The following CPLX1 variants were observed in gnomAD, a reference collection of about 807,000 sequenced individuals.
CPLX1 encodes the protein complexin 1, also known as complexin-1.
Under a neutral mutation model 15.6 loss-of-function variants are expected in CPLX1, and 6 were observed. That is an observed-to-expected ratio of 0.39 (90% confidence interval 0.21 to 0.76). The LOEUF is 0.76. Among genes scored for constraint, CPLX1 ranks in the 30% least tolerant of loss-of-function variants. CPLX1 has a pLI of 0.43. For synonymous variants in CPLX1, 91 were observed against 75.2 expected (o/e 1.21, Z -1.08); for missense variants, 242 against 188.6 (o/e 1.28, Z -1.66).
chr4:792,052 C>T (rs545702678), intron 3 of CPLX1, among the ~76,000 whole-genome samples: 1 of 152,158 alleles, frequency 6.6e-6, no homozygotes, highest in South Asian at 2.1e-4. Flanking sequence ...CCAGTGGGTG[C>T]CCCCCTCCCT....
At chr4:793,801 T>C (rs887767404) in intron 2 of CPLX1, among the ~76,000 whole-genome samples, 1 of 152,216 alleles carries the variant, frequency 6.6e-6, no homozygotes, top group African/African-American at 2.4e-5. Context: ...TTGAAGGTCT[T>C]GCCTCTGGGC....
chr4:819,719 C>T (rs1003199599), intron 2 of CPLX1, among the ~76,000 whole-genome samples: 2 of 152,234 alleles, frequency 1.3e-5, no homozygotes, highest in Non-Finnish European at 2.9e-5. Context: ...CCACCTTCCT[C>T]TTCTAGCTGT....
intron 3 of CPLX1, among the ~76,000 whole-genome samples, chr4:790,123 C>A (rs1207445091): frequency 6.6e-6 from 1 of 152,144 alleles, no homozygotes; most frequent in African/African-American, 2.4e-5. Context: ...ACCCCAAAGG[C>A]TCTGTGGAGG....
chr4:804,885 T>C, intron 2 of CPLX1: 7 of 985,274 alleles, frequency 7.1e-6, no homozygotes, highest in Non-Finnish European at 7.2e-6. Context: ...GCAGCCATTT[T>C]GGAACGCAGG....
intron 3 of CPLX1, among the ~76,000 whole-genome samples, chr4:792,118 C>T (rs1314822009): frequency 6.6e-6 from 1 of 151,898 alleles, no homozygotes; most frequent in Admixed American, 6.5e-5. Context: ...GCCAGGTGGC[C>T]GCCCCACGAC....
Position 786,632 on chromosome 4 carries a change from C to G in CPLX1, c.274G>C (p.Gly92Arg), listed in dbSNP as rs757842359. Reference protein sequence around the residue: ...AQAAMEANSEGSLTRPKKAIP... With the variant: ...AQAAMEANSERSLTRPKKAIP... ...GCCTTCTTGGGCCGCGTCAAGCTCC[C>G]CTCGGAGTTGGCCTCCATGGCGGCC... The change falls in exon 4 of 4, where the codon GGG (glycine) becomes CGG (arginine). Residue 92 changes from glycine to arginine, a missense_variant. Physicochemically the swap from Gly to Arg is moderately radical, Grantham distance 125. Transcript: ENST00000304062. 1 of 1,612,518 alleles carries G rather than the reference C, an allele frequency of 6.2e-7. No individual in the cohort carries two copies. The highest frequency in any genetic ancestry group is 8.5e-7 in the Non-Finnish European group (1 of 1,179,476).
At chr4:807,570 G>A (rs1434092444) in intron 2 of CPLX1, among the ~76,000 whole-genome samples, 2 of 151,962 alleles carry the variant, frequency 1.3e-5, no homozygotes, top group African/African-American at 4.8e-5. Flanking sequence ...TGCCTCCTGG[G>A]TTCAAGAGAT....
chr4:811,482 G>C (rs1032591520), intron 2 of CPLX1, among the ~76,000 whole-genome samples: 1 of 152,138 alleles, frequency 6.6e-6, no homozygotes, highest in Non-Finnish European at 1.5e-5. Context: ...TGGCTCGTGG[G>C]CTATTTAGAA....
chr4:794,937 G>T (rs1746289137), intron 2 of CPLX1, among the ~76,000 whole-genome samples: 1 of 152,242 alleles, frequency 6.6e-6, no homozygotes, highest in South Asian at 2.1e-4. Flanking sequence ...CTCCAGGGGT[G>T]CCTGTGGGGG....
intron 2 of CPLX1, 96 bp from the exon 3 acceptor site, chr4:792,704 C>CA: frequency 7.3e-7 from 1 of 1,373,380 alleles, no homozygotes; most frequent in South Asian, 1.4e-5. Context: ...GCCGACCCCC[C>CA]AAACCCTCCA....
chr4:800,724 TAAAA>T (rs200021525), intron 2 of CPLX1, among the ~76,000 whole-genome samples: 1,324 of 76,206 alleles, frequency 0.017, 16 homozygotes, highest in African/African-American at 0.063. Context: ...CCGTCTCTAC[TAAAA>T]AAAAAAATAT....
chr4:795,819 A>C (rs1746321240), intron 2 of CPLX1, among the ~76,000 whole-genome samples: 2 of 151,056 alleles, frequency 1.3e-5, no homozygotes, highest in African/African-American at 4.9e-5. Flanking sequence ...GGGGGGGTGC[A>C]GATCGCGGCG....
At chr4:800,968 G>C (rs1746445070) in intron 2 of CPLX1, among the ~76,000 whole-genome samples, 1 of 151,574 alleles carries the variant, frequency 6.6e-6, no homozygotes, top group South Asian at 2.1e-4. Flanking sequence ...AGTGAGCCAA[G>C]ATCGTGCCAC....
intron 2 of CPLX1, among the ~76,000 whole-genome samples, chr4:808,122 C>T (rs904661699): frequency 6.6e-6 from 1 of 151,948 alleles, no homozygotes; most frequent in Non-Finnish European, 1.5e-5. Flanking sequence ...ATGAAAAATT[C>T]GCCAGGCATA....
intron 2 of CPLX1, among the ~76,000 whole-genome samples, chr4:796,742 C>A (rs927345936): frequency 8.5e-5 from 13 of 152,224 alleles, no homozygotes; most frequent in Non-Finnish European, 1.5e-4. Flanking sequence ...CGTCCATCCT[C>A]CCCAAACTCC....
chr4:817,320 G>A (rs921072113), intron 2 of CPLX1, among the ~76,000 whole-genome samples: 18 of 151,596 alleles, frequency 1.2e-4, no homozygotes, highest in Admixed American at 2.0e-4. Context: ...TTGGGAGGCC[G>A]GGGCAGGTGG....
chr4:809,963 G>C (rs1368481401), intron 2 of CPLX1, among the ~76,000 whole-genome samples: 3 of 152,040 alleles, frequency 2.0e-5, no homozygotes, highest in African/African-American at 7.2e-5. Context: ...ACCCCACGGT[G>C]TGGATGCACA....
chr4:809,168 T>G (rs940197107), intron 2 of CPLX1, among the ~76,000 whole-genome samples: 13 of 152,230 alleles, frequency 8.5e-5, no homozygotes, highest in African/African-American at 2.2e-4. Context: ...ACGATTATGC[T>G]CCTCACGCTG....
chr4:804,852 C>T (rs995369789), intron 2 of CPLX1: 9 of 971,892 alleles, frequency 9.3e-6, no homozygotes, highest in Non-Finnish European at 1.1e-5. Context: ...CGTGCTCAGC[C>T]TCCACGGGAA....
Sources: allele counts gnomAD v4.1 joint callset (sites outside exome capture counted in the v4.1 genomes callset), GRCh38; gene constraint gnomAD v4.1.1; transcripts MANE v1.5; gene names NCBI Gene and HGNC (gene_info 2026-07-23, HGNC 2026-07-21).